The following RNF169 variants were observed in gnomAD, a reference collection of about 807,000 sequenced individuals.
The protein encoded by RNF169 is ring finger protein 169, also known as E3 ubiquitin-protein ligase RNF169.
RNF169 carries 24 observed loss-of-function variants against 53.9 expected under a neutral mutation model. The ratio of observed to expected loss-of-function variants is 0.45; its 90% confidence interval spans 0.32 to 0.63. The LOEUF is 0.63. RNF169 is among the 20% of genes least tolerant of loss of function. The probability of loss-of-function intolerance (pLI) is 0.04; values close to 1 mark genes in which losing one functional copy is unlikely to be tolerated. For synonymous variants in RNF169, 396 were observed against 363.5 expected, an observed-to-expected ratio of 1.09 and a Z score of -1.02; for missense variants, 883 against 906.2, an observed-to-expected ratio of 0.97 and a Z score of 0.33.
At chr11:74,782,995 A>G (rs1423927033) in intron 1 of RNF169, among the ~76,000 whole-genome samples, 4 of 150,432 alleles carry the variant, frequency 2.7e-5, no homozygotes, top group Non-Finnish European at 5.9e-5. Flanking sequence ...GGGACTCAGT[A>G]AGTCCAAAAT....
chr11:74,776,307 A>G (rs1027382251), intron 1 of RNF169, among the ~76,000 whole-genome samples: 3 of 152,020 alleles, frequency 2.0e-5, no homozygotes, highest in African/African-American at 4.8e-5. Flanking sequence ...TCTAGTGTTT[A>G]GTTCTATAAA....
chr11:74,805,417 A>G (rs189110469), intron 2 of RNF169, among the ~76,000 whole-genome samples: 21 of 152,342 alleles, frequency 1.4e-4, no homozygotes, highest in Admixed American at 5.9e-4. Flanking sequence ...GATGGTAGAA[A>G]TGTTCTGTAT....
At chr11:74,811,182 G>A (rs1411122863) in intron 3 of RNF169, among the ~76,000 whole-genome samples, 1 of 152,050 alleles carries the variant, frequency 6.6e-6, no homozygotes, top group Non-Finnish European at 1.5e-5. Flanking sequence ...ACAGGTCCCA[G>A]CATTGTAACT....
At chr11:74,760,168 AT>A (rs1440874957) in intron 1 of RNF169, among the ~76,000 whole-genome samples, 1 of 151,128 alleles carries the variant, frequency 6.6e-6, no homozygotes, top group African/African-American at 2.4e-5. Context: ...CCCCTTTATC[AT>A]TTTTTATTGT....
At position 74,753,068 on chromosome 11, in the gene RNF169, A is replaced by G. The variant is rs149661862; in HGVS notation, c.502+3686A>G. ...ACCGCAACCTCCGCCTCACCGGTTC[A>G]AGCGATTCTCCTGTCTCCATCTCCC... On this transcript the variant is annotated intron_variant, in intron 1 of 5. Coordinates refer to ENST00000299563, the MANE Select transcript of RNF169 (RefSeq NM_001098638.2). 1.3e-3 allele frequency among the ~76,000 whole-genome samples: 205 copies of G among 152,288 alleles called. 4 individuals carry two copies. The East Asian group carries it at 0.035, about 26-fold the overall frequency.
intron 3 of RNF169, among the ~76,000 whole-genome samples, chr11:74,816,634 A>G (rs1048516794): frequency 1.3e-5 from 2 of 152,238 alleles, no homozygotes; most frequent in Admixed American, 6.5e-5. Flanking sequence ...TGAAAGGCCA[A>G]TTAGTATTTT....
At chr11:74,758,167 A>AT (rs2035015607) in intron 1 of RNF169, among the ~76,000 whole-genome samples, 1 of 75,062 alleles carries the variant, frequency 1.3e-5, no homozygotes. Flanking sequence ...TCTTGAATTG[A>AT]TTTTTGTATA....
At chr11:74,775,223 A>G (rs1050341513) in intron 1 of RNF169, among the ~76,000 whole-genome samples, 1 of 151,668 alleles carries the variant, frequency 6.6e-6, no homozygotes, top group Non-Finnish European at 1.5e-5. Flanking sequence ...AGCTAAGTCA[A>G]TGAAGAGGTA....
At chr11:74,770,230 C>T (rs1383855218) in intron 1 of RNF169, among the ~76,000 whole-genome samples, 1 of 152,238 alleles carries the variant, frequency 6.6e-6, no homozygotes, top group Non-Finnish European at 1.5e-5. Flanking sequence ...AGAGCCCATT[C>T]CTGGGCCTTG....
At chr11:74,763,891 G>A (rs1347076445) in intron 1 of RNF169, among the ~76,000 whole-genome samples, 1 of 152,194 alleles carries the variant, frequency 6.6e-6, no homozygotes, top group African/African-American at 2.4e-5. Flanking sequence ...CTGTAGCTCA[G>A]GCTTGAGTAC....
intron 2 of RNF169, among the ~76,000 whole-genome samples, chr11:74,806,426 G>A (rs1335379689): frequency 1.3e-5 from 2 of 152,268 alleles, no homozygotes; most frequent in African/African-American, 2.4e-5. Context: ...CTGTGGCTGC[G>A]TACCTTATGA....
Position 74,834,794 on chromosome 11 carries a change from C to T in RNF169, c.942+19C>T, listed in dbSNP as rs764146964. 4.5e-6 allele frequency: 7 copies of T among 1,567,968 alleles called. No individual in the cohort carries two copies. Among genetic ancestry groups the T allele is most frequent in the Non-Finnish European group, 6.1e-6 (7 of 1,142,854 alleles). Reference sequence around the variant, plus strand: ...AGCCAAGGTACACCTCAGCCACAGACCTCCGGGGCTTGTGAGGCTTGCCCC... The same window carrying T: ...AGCCAAGGTACACCTCAGCCACAGATCTCCGGGGCTTGTGAGGCTTGCCCC... On this transcript the variant is annotated intron_variant, in intron 5 of 5. Transcript: ENST00000299563.
At chr11:74,775,767 A>AT (rs1565174174) in intron 1 of RNF169, among the ~76,000 whole-genome samples, 1 of 152,076 alleles carries the variant, frequency 6.6e-6, no homozygotes, top group Admixed American at 6.6e-5. Context: ...TTTTGCCACC[A>AT]TTTGATCATG....
At chr11:74,807,717 A>AT (rs1248530748) in intron 2 of RNF169, 4 of 152,230 alleles carry the variant, frequency 2.6e-5, no homozygotes, top group Non-Finnish European at 5.9e-5. Flanking sequence ...TGCCTAGAAC[A>AT]TAGAAGAGTT....
rs1191011186 is a variant in RNF169, at chr11:74,835,565, C to A, written c.962C>A (p.Ala321Asp). ...NKAKVTTMTP[A>D]SNPIIGVLLS... ...TTTCAGGTCACAACTATGACTCCAG[C>A]CTCCAACCCCATCATTGGTGTCCTC... The change falls in exon 6 of 6, where the codon GCC becomes GAC. Residue 321 changes from alanine (A) to aspartate (D), a missense_variant. By Grantham distance (126) the Ala-to-Asp change is moderately radical. Transcript: ENST00000299563. 2.5e-6 allele frequency: 4 copies of A among 1,613,730 alleles called. No individual in the cohort carries two copies. The African/African-American group carries it at 5.3e-5, about 22-fold the overall frequency.
intron 2 of RNF169, among the ~76,000 whole-genome samples, chr11:74,796,528 C>A (rs749641991): frequency 6.6e-6 from 1 of 152,172 alleles, no homozygotes; most frequent in Non-Finnish European, 1.5e-5. Flanking sequence ...ATTATATACA[C>A]CATTATTTCT....
intron 4 of RNF169, among the ~76,000 whole-genome samples, chr11:74,821,540 C>T: frequency 1.8e-5 from 2 of 113,594 alleles, no homozygotes; most frequent in South Asian, 6.6e-4. Flanking sequence ...CGCCTGTAGT[C>T]CCAGCTACCT....
intron 1 of RNF169, among the ~76,000 whole-genome samples, chr11:74,761,589 A>G (rs1000663970): frequency 8.5e-5 from 13 of 152,160 alleles, no homozygotes; most frequent in African/African-American, 3.1e-4. Context: ...TTGGCTGGAC[A>G]TGAAATTCTG....
In RNF169 at chr11:74,835,919, A is replaced by G. The variant is rs1215824973; in HGVS notation, c.1316A>G (p.Gln439Arg). 3.7e-6 allele frequency: 6 copies of G among 1,614,198 alleles called. No homozygotes were observed. Among genetic ancestry groups the G allele is most frequent in the Middle Eastern group, 1.6e-4 (1 of 6,062 alleles). ...CTCAAAAAGTGGGAACAGATCTTTCAGGAGCGGCAGATCAAAAAGACCCTT... is the reference window on the plus strand; with the variant it reads ...CTCAAAAAGTGGGAACAGATCTTTCGGGAGCGGCAGATCAAAAAGACCCTT... Reference protein sequence around the residue: ...RILKKWEQIFQERQIKKTLSK... With the variant: ...RILKKWEQIFRERQIKKTLSK... The change falls in exon 6 of 6, where the codon CAG (glutamine) becomes CGG (arginine). Residue 439 changes from glutamine (Q) to arginine (R), a missense_variant. Physicochemically the swap from Gln to Arg is conservative, Grantham distance 43. This residue lies in a region of RNF169 where 351 missense variants were observed against 337.3 expected (regional missense o/e 1.04). Transcript: ENST00000299563.
Sources: allele counts gnomAD v4.1 joint callset (sites outside exome capture counted in the v4.1 genomes callset), GRCh38; gene constraint gnomAD v4.1.1; regional missense constraint gnomAD v4.1.1; transcripts MANE v1.5; gene names NCBI Gene and HGNC (gene_info 2026-07-23, HGNC 2026-07-21).